The following LRRC4C variants were observed in gnomAD, a reference collection of about 807,000 sequenced individuals.
The protein encoded by LRRC4C is leucine-rich repeat-containing protein 4C.
LRRC4C carries 5 observed loss-of-function variants against 33.6 expected under a neutral mutation model. The observed-to-expected ratio is 0.15, with a 90% CI of 0.08 to 0.31. LRRC4C has a LOEUF of 0.31. Ranked by LOEUF, LRRC4C falls within the 10% of genes least tolerant of loss-of-function variation. LRRC4C has a pLI of 1.00. For synonymous variants in LRRC4C, 329 were observed against 302.0 expected, an observed-to-expected ratio of 1.09 and a Z score of -0.93; for missense variants, 560 against 796.7, an observed-to-expected ratio of 0.70 and a Z score of 3.58.
chr11:40,906,205 C>T (rs538564061), intron 2 of LRRC4C, among the ~76,000 whole-genome samples: 3 of 152,164 alleles, frequency 2.0e-5, no homozygotes, highest in Admixed American at 6.6e-5. Flanking sequence ...ACAATGCCAT[C>T]GCACACTTAA....
intron 3 of LRRC4C, among the ~76,000 whole-genome samples, chr11:40,589,686 C>G (rs1958941176): frequency 6.6e-6 from 1 of 151,794 alleles, no homozygotes; most frequent in South Asian, 2.1e-4. Flanking sequence ...GTGACAAAAT[C>G]TCTCAGCATT....
chr11:40,881,484 C>T (rs1204700807), intron 2 of LRRC4C, among the ~76,000 whole-genome samples: 1 of 152,040 alleles, frequency 6.6e-6, no homozygotes, highest in Non-Finnish European at 1.5e-5. Flanking sequence ...GTCACATGGT[C>T]TTCCCTCCCA....
intron 3 of LRRC4C, among the ~76,000 whole-genome samples, chr11:40,421,147 G>A (rs1950509476): frequency 6.6e-6 from 1 of 152,112 alleles, no homozygotes; most frequent in Admixed American, 6.5e-5. Context: ...AAAGGTGTTG[G>A]GGATTTAATA....
At chr11:40,827,302 G>A (rs1015071061) in intron 2 of LRRC4C, among the ~76,000 whole-genome samples, 3 of 151,868 alleles carry the variant, frequency 2.0e-5, no homozygotes, top group African/African-American at 7.3e-5. Flanking sequence ...ATTCCTTAAT[G>A]AAGCCAAAGA....
chr11:40,217,741 AC>A (rs1465077320), intron 5 of LRRC4C, among the ~76,000 whole-genome samples: 3 of 152,164 alleles, frequency 2.0e-5, no homozygotes, highest in African/African-American at 7.2e-5. Flanking sequence ...CATATTAGGC[AC>A]CCAATTAATA....
intron 3 of LRRC4C, among the ~76,000 whole-genome samples, chr11:40,599,071 C>T (rs1959689935): frequency 6.6e-6 from 1 of 152,114 alleles, no homozygotes; most frequent in South Asian, 2.1e-4. Flanking sequence ...AGGCTCAGGA[C>T]ATTTACCTGT....
At chr11:40,398,226 G>A (rs1287449092) in intron 3 of LRRC4C, among the ~76,000 whole-genome samples, 1 of 151,554 alleles carries the variant, frequency 6.6e-6, no homozygotes, top group Non-Finnish European at 1.5e-5. Context: ...TACAATTTTT[G>A]GATAAATGAA....
chr11:40,162,299 T>C (rs1229992386), intron 5 of LRRC4C, among the ~76,000 whole-genome samples: 1 of 152,162 alleles, frequency 6.6e-6, no homozygotes, highest in Non-Finnish European at 1.5e-5. Flanking sequence ...CTCAAACATT[T>C]TGGCATTTTT....
At chr11:41,010,406 C>T (rs12365530) in intron 1 of LRRC4C, among the ~76,000 whole-genome samples, 25,909 of 152,148 alleles carry the variant, frequency 0.17, 2,391 homozygotes, top group African/African-American at 0.23. Context: ...CATTTTAAAA[C>T]ATAGCATCTT....
chr11:40,798,555 A>T (rs1478244856), intron 2 of LRRC4C, among the ~76,000 whole-genome samples: 1 of 152,144 alleles, frequency 6.6e-6, no homozygotes, highest in African/African-American at 2.4e-5. Context: ...TAAAATCAAT[A>T]ACAATACTAT....
chr11:41,028,603 A>G (rs1041951053), intron 1 of LRRC4C, among the ~76,000 whole-genome samples: 3 of 146,334 alleles, frequency 2.1e-5, no homozygotes, highest in Non-Finnish European at 4.6e-5. Flanking sequence ...ACACACACAC[A>G]CACTGAAATG....
intron 3 of LRRC4C, among the ~76,000 whole-genome samples, chr11:40,578,137 T>A (rs1346849788): frequency 7.8e-6 from 1 of 128,432 alleles, no homozygotes; most frequent in Non-Finnish European, 1.6e-5. Flanking sequence ...ACTTTTTTTT[T>A]TCGGTTTTTT....
intron 2 of LRRC4C, among the ~76,000 whole-genome samples, chr11:40,677,735 C>A (rs767200528): frequency 6.6e-6 from 1 of 152,170 alleles, no homozygotes; most frequent in Non-Finnish European, 1.5e-5. Context: ...GATTTTTCAG[C>A]CTTCACGTGG....
chr11:41,397,348 T>C (rs1373019664), intron 1 of LRRC4C, among the ~76,000 whole-genome samples: 1 of 151,912 alleles, frequency 6.6e-6, no homozygotes, highest in Admixed American at 6.6e-5. Context: ...CTCAGCCTGC[T>C]CAATGAAAAG....
At chr11:41,091,698 T>C (rs1472856281) in intron 1 of LRRC4C, among the ~76,000 whole-genome samples, 1 of 152,150 alleles carries the variant, frequency 6.6e-6, no homozygotes, top group Non-Finnish European at 1.5e-5. Context: ...ATGAGATATG[T>C]ACATCATATA....
intron 2 of LRRC4C, among the ~76,000 whole-genome samples, chr11:40,911,292 C>T (rs1330478593): frequency 6.6e-6 from 1 of 152,132 alleles, no homozygotes; most frequent in Non-Finnish European, 1.5e-5. Flanking sequence ...TGGGAGGCAC[C>T]CCCGAGTAGG....
At chr11:41,399,304 G>A (rs143492660) in intron 1 of LRRC4C, among the ~76,000 whole-genome samples, 2,311 of 152,014 alleles carry the variant, frequency 0.015, 17 homozygotes, top group Middle Eastern at 0.034. Flanking sequence ...CAGCAGAGGG[G>A]TGAAAACGCA....
chr11:40,639,716 A>T (rs140260428), intron 3 of LRRC4C, among the ~76,000 whole-genome samples: 222 of 152,308 alleles, frequency 1.5e-3, no homozygotes, highest in African/African-American at 4.3e-3. Flanking sequence ...CCTGTGAAAC[A>T]TTTTGCTTTA....
intron 1 of LRRC4C, among the ~76,000 whole-genome samples, chr11:41,107,965 AGG>A (rs1211502412): frequency 2.4e-3 from 1 of 412 alleles, no homozygotes; most frequent in Non-Finnish European, 0.023. Flanking sequence ...GAGAAGGGAG[AGG>A]GGAGAGGGGA....
Sources: gnomAD v4.1 joint callset for allele counts (sites outside exome capture counted in the v4.1 genomes callset) on GRCh38, gnomAD v4.1.1 for gene constraint, MANE v1.5 for transcripts, NCBI Gene and HGNC (gene_info 2026-07-23, HGNC 2026-07-21) for gene names.